PLEKHA4: variants seen among roughly 807,000 people sequenced by gnomAD.
PLEKHA4 encodes the protein pleckstrin homology domain containing A4.
PLEKHA4 carries 73 observed loss-of-function variants against 94.7 expected under a neutral mutation model. That is an observed-to-expected ratio of 0.77 (90% CI 0.64 to 0.94). The LOEUF (loss-of-function observed/expected upper bound fraction) is 0.94. PLEKHA4 is among the 40% of genes least tolerant of loss of function. The probability of loss-of-function intolerance (pLI) is 0.00; values close to 1 mark genes in which losing one functional copy is unlikely to be tolerated. For synonymous variants in PLEKHA4, 449 were observed against 437.1 expected (o/e 1.03, Z -0.34); for missense variants, 1,049 against 1,054.1 (o/e 1.00, Z 0.07).
Position 48,863,437 on chromosome 19 carries a change from T to G in PLEKHA4, c.193-1745A>C, listed in dbSNP as rs1483123962. Among the ~76,000 whole-genome samples the G allele has an allele frequency of 1.6e-4, 24 of 150,460 alleles. 1 individual carries two copies. In the South Asian group the frequency reaches 3.4e-3, roughly 21 times the overall value. On this transcript the variant is annotated intron_variant, in intron 3 of 19. Transcript: ENST00000263265. ...CAGGCTAATTTAGGTTTTTTGTTTT[T>G]TTTTTTTTTTGAGACGGAGTCTTCG...
In PLEKHA4 at chr19:48,859,461, C is replaced by T; in HGVS notation, c.692+8G>A. 1 of 1,613,426 alleles carries T rather than the reference C, an allele frequency of 6.2e-7. No individual in the cohort carries two copies. The highest frequency in any genetic ancestry group is 2.2e-5 in the East Asian group (1 of 44,884). On this transcript the variant is annotated splice_region_variant and intron_variant, in intron 7 of 19. Transcript: ENST00000263265. ...GGCCACGCCCACAACCATGTCCTCC[C>T]TACTCACTCGGGGCTCCTCGCCCTC...
intron 6 of PLEKHA4, 51 bp from the exon 7 acceptor site, chr19:48,859,735 C>A (rs17272673): frequency 0.15 from 225,228 of 1,511,978 alleles, 19,058 homozygotes; most frequent in Non-Finnish European, 0.17. Flanking sequence ...TCATAACAGC[C>A]CTATTCTCTT....
chr19:48,853,706 C>T lies in PLEKHA4; in HGVS notation c.1302G>A (p.Arg434=). 1 of 1,597,764 alleles carries T rather than the reference C, an allele frequency of 6.3e-7. No homozygotes were observed. Among genetic ancestry groups the T allele is most frequent in the Non-Finnish European group, 8.5e-7 (1 of 1,174,206 alleles). The change falls in exon 12 of 20, where the codon AGG becomes AGA. Residue 434 remains arginine (R), a synonymous_variant. Transcript: ENST00000263265. ...RLLQDRLVSV[R]ATLCHLTQER... ...CCTGAGTCAAGTGACAGAGGGTGGC[C>T]CTCACACTGACCAGCCGGTCCTGCA...
At chr19:48,844,450 C>T (rs1029283731) in intron 16 of PLEKHA4, 3 of 985,078 alleles carry the variant, frequency 3.0e-6, no homozygotes, top group Non-Finnish European at 2.4e-6. Context: ...CCACGGTTCC[C>T]AGCCCCAAGA....
intron 12 of PLEKHA4, 67 bp downstream of exon 12, chr19:48,853,615 C>A: frequency 7.2e-7 from 1 of 1,398,542 alleles, no homozygotes; most frequent in Admixed American, 3.2e-5. Flanking sequence ...TGGGGCAGGT[C>A]CCCTTCGTAA....
In PLEKHA4 at chr19:48,853,800, C is replaced by T. The variant is rs377412555; in HGVS notation, c.1208G>A (p.Arg403Gln). The T allele has an allele frequency of 4.0e-5, 64 of 1,612,530 alleles. No homozygotes were observed. The East Asian group carries it at 5.6e-4, about 14-fold the overall frequency. ...EQLEAALELT[R>Q]QQLGQATREA... is the part of the protein sequence containing the mutation. ...CCTGGTGGCTTGGCCCAGCTGTTGC[C>T]GGGTCAACTCCAGAGCTGCTTCTAG... The change falls in exon 12 of 20, where the codon CGG (arginine) becomes CAG (glutamine). Residue 403 changes from arginine (R) to glutamine (Q), a missense_variant. Arg to Gln is a conservative substitution (Grantham distance 43). Transcript: ENST00000263265.
chr19:48,863,384 G>A (rs1222176408), intron 3 of PLEKHA4, among the ~76,000 whole-genome samples: 1 of 151,530 alleles, frequency 6.6e-6, no homozygotes, highest in Non-Finnish European at 1.5e-5. Context: ...CTCCTGAGTA[G>A]CTGGGACTAC....
At chr19:48,860,503 A>G (rs566887356) in intron 5 of PLEKHA4, 44 bp from the exon 6 acceptor site, 6 of 1,484,940 alleles carry the variant, frequency 4.0e-6, no homozygotes, top group African/African-American at 2.8e-5. Context: ...CGGGCCTTGT[A>G]AAAAGGAGGA....
In PLEKHA4 at chr19:48,857,509, T is replaced by C. The variant is rs906826866; in HGVS notation, c.973-13A>G. The C allele has an allele frequency of 2.0e-6, 3 of 1,505,616 alleles. No individual in the cohort carries two copies. Among genetic ancestry groups the C allele is most frequent in the South Asian group, 2.4e-5 (2 of 84,592 alleles). The allele number at this position is 1,505,616 out of a possible 1,614,324, so 93.3% of individuals were successfully genotyped here. On this transcript the variant is annotated splice_polypyrimidine_tract_variant and intron_variant, in intron 8 of 19. Transcript: ENST00000263265. ...AGCCAGAGTGTGCCTGGGAGGAACG[T>C]TGAAATGGAGATGTTTAGAAACTGG...
chr19:48,837,601 C>G lies in PLEKHA4; in HGVS notation c.2078-50G>C. 1 of 1,598,980 alleles carries G rather than the reference C, an allele frequency of 6.3e-7. No homozygotes were observed. The highest frequency in any genetic ancestry group is 2.2e-5 in the East Asian group (1 of 44,486). On this transcript the variant is annotated intron_variant, in intron 19 of 19. Coordinates refer to ENST00000263265, the MANE Select transcript of PLEKHA4 (RefSeq NM_020904.3). This position sits in a 1 kb window ranked among gnomAD's most constrained non-coding sequence, Gnocchi z 4.3. ...GAATGGCAAACCTCAGCGCTAGGAC[C>G]CCGGATTCCCAGCCCCTCCTCCCTC... is the stretch of plus-strand genomic sequence containing the variant.
intron 2 of PLEKHA4, among the ~76,000 whole-genome samples, 197 bp from the exon 3 acceptor site, chr19:48,865,807 G>A (rs901713295): frequency 6.6e-6 from 1 of 152,040 alleles, no homozygotes; most frequent in Non-Finnish European, 1.5e-5. Flanking sequence ...GAGGTCAGGA[G>A]ATCGAGACCA....
intron 11 of PLEKHA4, 64 bp from the exon 12 acceptor site, chr19:48,853,895 G>T: frequency 6.3e-7 from 1 of 1,589,578 alleles, no homozygotes; most frequent in Non-Finnish European, 8.6e-7. Context: ...AGAAAGAAAA[G>T]ATGTCCTTTC....
intron 2 of PLEKHA4, among the ~76,000 whole-genome samples, chr19:48,865,842 G>A (rs868841137): frequency 1.3e-5 from 2 of 151,900 alleles, no homozygotes; most frequent in Admixed American, 6.6e-5. Flanking sequence ...GTGAAACCCC[G>A]TCTCTACTAA....
At chr19:48,859,827 A>C (rs1026089814) in intron 6 of PLEKHA4, 143 bp from the exon 7 acceptor site, 61 of 779,150 alleles carry the variant, frequency 7.8e-5, no homozygotes, top group Non-Finnish European at 1.1e-4. Context: ...TCAGAAGGGG[A>C]AACTGAGGCC....
At position 48,867,068 on chromosome 19, in the gene PLEKHA4, G is replaced by T. The variant is rs2036859383; in HGVS notation, c.84+469C>A. Among the ~76,000 whole-genome samples, 1 of 152,166 alleles carries T rather than the reference G, an allele frequency of 6.6e-6. No individual in the cohort carries two copies. Among genetic ancestry groups the T allele is most frequent in the South Asian group, 2.1e-4 (1 of 4,830 alleles). ...ATGTGTGGAACGGCAGGAGGAAAAA[G>T]AAATGAGTGTCTCCCTAAGCTTTTG... On this transcript the variant is annotated intron_variant, in intron 2 of 19. Coordinates refer to ENST00000263265, the MANE Select transcript of PLEKHA4 (RefSeq NM_020904.3). The surrounding 1 kb of genome is among the most constrained non-coding windows in gnomAD (Gnocchi z 4.7).
intron 16 of PLEKHA4, 108 bp from the exon 17 acceptor site, chr19:48,841,418 G>C (rs953365955): frequency 4.1e-6 from 5 of 1,229,302 alleles, no homozygotes; most frequent in Non-Finnish European, 5.4e-6. Flanking sequence ...CTTGAGGTCA[G>C]GAGTTGAAGA....
Position 48,868,121 on chromosome 19 carries a change from G to C in PLEKHA4, c.-45C>G, listed in dbSNP as rs186103563. The C allele has an allele frequency of 6.2e-6, 1 of 161,578 alleles. No individual in the cohort carries two copies. The highest frequency in any genetic ancestry group is 1.8e-4 in the East Asian group (1 of 5,590). The allele number at this position is 161,578 out of a possible 1,614,324, so 10.0% of individuals were successfully genotyped here. Reference sequence around the variant, plus strand: ...CCCAGTGACGGGGGGGCAAGAGGACGGTGTGGGTGCTGCGGCACCTAGGCA... The same window carrying C: ...CCCAGTGACGGGGGGGCAAGAGGACCGTGTGGGTGCTGCGGCACCTAGGCA... On this transcript the variant is annotated 5_prime_UTR_variant, in exon 1 of 20. Transcript: ENST00000263265.
At chr19:48,840,968 C>CCT (rs2122888641) in intron 17 of PLEKHA4, among the ~76,000 whole-genome samples, 181 bp downstream of exon 17, 1 of 151,356 alleles carries the variant, frequency 6.6e-6, no homozygotes, top group African/African-American at 2.4e-5. Context: ...CCACTCCTGT[C>CCT]CACCCACCAC....
chr19:48,844,234 C>T (rs1161471290), intron 16 of PLEKHA4, among the ~76,000 whole-genome samples: 1 of 150,548 alleles, frequency 6.6e-6, no homozygotes, highest in Admixed American at 6.7e-5. Flanking sequence ...GGGTCTTTGC[C>T]ACCTCTGCCT....
Sources: allele counts gnomAD v4.1 joint callset (sites outside exome capture counted in the v4.1 genomes callset), GRCh38; gene constraint gnomAD v4.1.1; non-coding constraint Gnocchi (gnomAD v3.1); transcripts MANE v1.5; gene names NCBI Gene and HGNC (gene_info 2026-07-23, HGNC 2026-07-21).